The following H2BC18 variants were observed in gnomAD, a reference collection of about 807,000 sequenced individuals.
The protein encoded by H2BC18 is histone H2B type 2-F.
A neutral mutation model predicts 6.3 loss-of-function variants in H2BC18; 8 were observed. That is an observed-to-expected ratio of 1.28 (90% confidence interval 0.75 to 2.31). H2BC18 has a LOEUF of 2.31. H2BC18 is among the 30% of genes most tolerant of loss of function. The pLI, the probability that H2BC18 is intolerant of heterozygous loss-of-function variation, is 0.00. For synonymous variants in H2BC18, 104 were observed against 78.1 expected (o/e 1.33, Z -1.75); for missense variants, 106 against 174.5 (o/e 0.61, Z 2.21).
intron 1 of H2BC18, among the ~76,000 whole-genome samples, chr1:149,799,494 C>A (rs1553753083): frequency 1.3e-5 from 2 of 151,746 alleles, no homozygotes; most frequent in Non-Finnish European, 2.9e-5. Context: ...TCCTTTTATT[C>A]CTTTATTTTC....
chr1:149,804,647 C>T (rs2091901961), intron 1 of H2BC18, among the ~76,000 whole-genome samples: 1 of 151,912 alleles, frequency 6.6e-6, no homozygotes, highest in Non-Finnish European at 1.5e-5. Flanking sequence ...TTACCATGTT[C>T]CAGCCACTGT....
At chr1:149,800,265 A>G (rs1290797461) in intron 1 of H2BC18, among the ~76,000 whole-genome samples, 1 of 152,184 alleles carries the variant, frequency 6.6e-6, no homozygotes, top group African/African-American at 2.4e-5. Flanking sequence ...GAACCTCTAC[A>G]TGTTCAGCTA....
At chr1:149,807,804 G>A (rs1271593617), downstream of H2BC18, among the ~76,000 whole-genome samples, 4 of 150,786 alleles carry the variant, frequency 2.7e-5, no homozygotes, top group Admixed American at 6.6e-5. Flanking sequence ...ATTCCATCTC[G>A]AAAGAAAGAA....
intron 1 of H2BC18, among the ~76,000 whole-genome samples, chr1:149,806,784 G>A (rs1571419207): frequency 1.3e-5 from 2 of 152,226 alleles, no homozygotes; most frequent in South Asian, 2.1e-4. Flanking sequence ...TTTGAGAAAA[G>A]GAAATAGCAA....
chr1:149,803,837 G>A (rs590366), intron 1 of H2BC18: 5 of 152,272 alleles, frequency 3.3e-5, no homozygotes, highest in African/African-American at 7.2e-5. Flanking sequence ...TAAGGTCTTC[G>A]GACTCTGTCA....
intron 1 of H2BC18, among the ~76,000 whole-genome samples, chr1:149,789,870 G>T (rs587623550): frequency 0.021 from 3,251 of 152,158 alleles, 102 homozygotes; most frequent in African/African-American, 0.074. Context: ...CAGCAAGCTG[G>T]CAACCCTAAT....
chr1:149,796,292 G>C (rs1172395750), intron 1 of H2BC18, among the ~76,000 whole-genome samples: 4 of 152,162 alleles, frequency 2.6e-5, no homozygotes, highest in African/African-American at 9.7e-5. Context: ...GACATAATAT[G>C]GGAGTTAATG....
At chr1:149,808,272 C>G (rs7550568), downstream of H2BC18, among the ~76,000 whole-genome samples, 4 of 152,320 alleles carry the variant, frequency 2.6e-5, no homozygotes, top group Middle Eastern at 3.4e-3. Context: ...TCCAGTTGAA[C>G]CTTATGGACT....
chr1:149,807,714 G>C (rs1192808135), downstream of H2BC18, among the ~76,000 whole-genome samples: 4 of 151,628 alleles, frequency 2.6e-5, no homozygotes, highest in East Asian at 7.7e-4. Flanking sequence ...TGAGGCAGGA[G>C]AATCGCTTGA....
At chr1:149,786,216 T>C (rs1342635872) in intron 1 of H2BC18, 1 of 152,210 alleles carries the variant, frequency 6.6e-6, no homozygotes, top group Non-Finnish European at 1.5e-5. Flanking sequence ...ATATTGACCA[T>C]TTTTCACGTT....
At chr1:149,790,758 G>A (rs1206747201) in intron 1 of H2BC18, among the ~76,000 whole-genome samples, 85 of 147,544 alleles carry the variant, frequency 5.8e-4, no homozygotes, top group African/African-American at 2.1e-3. Context: ...GTTGTCATAC[G>A]TCTGGGGATA....
At chr1:149,788,338 A>G in intron 1 of H2BC18, 1 of 1,612,046 alleles carries the variant, frequency 6.2e-7, no homozygotes. Context: ...TCCACTGTAT[A>G]CATACATTTT....
intron 1 of H2BC18, among the ~76,000 whole-genome samples, chr1:149,798,942 T>G (rs1434776229): frequency 6.7e-5 from 10 of 149,986 alleles, no homozygotes; most frequent in African/African-American, 2.5e-4. Context: ...AGTAATAATA[T>G]CTATATCCTA....
chr1:149,811,819 C>T, downstream of H2BC18: 1 of 852,854 alleles, frequency 1.2e-6, no homozygotes, highest in Non-Finnish European at 1.9e-6. Flanking sequence ...GTAACACTCC[C>T]TACCTGACCA....
Position 149,793,024 on chromosome 1 carries a change from G to A in H2BC18, c.378-9764C>T, listed in dbSNP as rs781795875. 2.0e-4 allele frequency: 257 copies of A among 1,264,844 alleles called. 3 individuals are homozygous for A. The highest frequency in any genetic ancestry group is 6.4e-4 in the East Asian group (10 of 15,608). The allele number at this position is 1,264,844 out of a possible 1,614,324, so 78.4% of individuals were successfully genotyped here. On this transcript the variant is annotated intron_variant, in intron 1 of 1. Coordinates refer to the H2BC18 transcript ENST00000545683. ...AGCTGAGTCCCTCCAACCCCGCCCC[G>A]GGCCCGCCAGCTCCCGGGCCCCGGC...
intron 1 of H2BC18, chr1:149,794,095 G>C (rs782583310): frequency 9.2e-5 from 45 of 491,408 alleles, no homozygotes; most frequent in South Asian, 6.4e-4. Flanking sequence ...GGGCTGTAGA[G>C]AGACAACAGT....
At position 149,792,627 on chromosome 1, in the gene H2BC18, A is replaced by T. The variant is rs587744576; in HGVS notation, c.378-9367T>A. The T allele has an allele frequency of 1.3e-4, 169 of 1,258,268 alleles. 15 individuals carry two copies. The South Asian group carries it at 2.0e-3, about 15-fold the overall frequency. The allele number at this position is 1,258,268 out of a possible 1,614,324, so 77.9% of individuals were successfully genotyped here. ...GCCCCTGGCGCCACACTGTGGCCGC[A>T]TGTGCATATTGCAGCCTCCGCCTGT... On this transcript the variant is annotated intron_variant, in intron 1 of 1. Transcript: ENST00000545683.
chr1:149,806,683 G>A (rs2091920597), intron 1 of H2BC18, among the ~76,000 whole-genome samples: 1 of 152,224 alleles, frequency 6.6e-6, no homozygotes, highest in African/African-American at 2.4e-5. Flanking sequence ...GATGTTCAGG[G>A]AAGACCTCAA....
intron 1 of H2BC18, chr1:149,793,133 G>A (rs1294643094): frequency 1.6e-6 from 2 of 1,274,612 alleles, no homozygotes; most frequent in South Asian, 1.2e-5. Flanking sequence ...GCGCCCGGCC[G>A]AGCCTCCGCG....
Sources: gnomAD v4.1 joint callset for allele counts (sites outside exome capture counted in the v4.1 genomes callset) on GRCh38, gnomAD v4.1.1 for gene constraint, MANE v1.5 for transcripts, NCBI Gene and HGNC (gene_info 2026-07-23, HGNC 2026-07-21) for gene names.